The following WFDC10B variants were observed in gnomAD, a reference collection of about 807,000 sequenced individuals.
WFDC10B encodes the protein protein WFDC10B.
In WFDC10B, 1 loss-of-function variant was observed where a neutral mutation model predicts 2.7. The ratio of observed to expected loss-of-function variants is 0.38; its 90% CI spans 0.13 to 1.79. The LOEUF (loss-of-function observed/expected upper bound fraction) is 1.79. Among genes scored for constraint, WFDC10B ranks in the 40% most tolerant of loss-of-function variants. The pLI is 0.33. For synonymous variants in WFDC10B, 26 were observed against 32.2 expected, an observed-to-expected ratio of 0.81 and a Z score of 0.65; for missense variants, 71 against 87.8, an observed-to-expected ratio of 0.81 and a Z score of 0.76.
chr20:45,704,687 CTT>C (rs11361717), intron 1 of WFDC10B, 126 bp from the exon 2 acceptor site: 31,256 of 1,293,352 alleles, frequency 0.024, 1 homozygote, highest in East Asian at 0.078. Flanking sequence ...TGGATCTCTC[CTT>C]TTTTTTTTTT....
Position 45,684,659 on chromosome 20 carries a change from C to T in WFDC10B, c.*171G>A. ...CAGCAAAAGAGGCAGGATCCATGGG[C>T]ATTTGTTCTGGTTTATTTGACAGGG... On this transcript the variant is annotated 3_prime_UTR_variant, in exon 4 of 4. Transcript: ENST00000330523. The T allele has an allele frequency of 1.2e-6, 1 of 819,630 alleles. No homozygotes were observed. The highest frequency in any genetic ancestry group is 1.8e-6 in the Non-Finnish European group (1 of 541,182). The allele number at this position is 819,630 out of a possible 1,614,324, so 50.8% of individuals were successfully genotyped here.
intron 1 of WFDC10B, 98 bp from the exon 2 acceptor site, chr20:45,704,659 C>A: frequency 6.3e-7 from 1 of 1,577,322 alleles, no homozygotes; most frequent in Non-Finnish European, 8.6e-7. Flanking sequence ...CAGAAGAGTC[C>A]CTTACCAGCA....
chr20:45,687,209 T>C (rs1302079183), intron 2 of WFDC10B, among the ~76,000 whole-genome samples: 1 of 152,188 alleles, frequency 6.6e-6, no homozygotes, highest in Admixed American at 6.5e-5. Context: ...CCATGTATTC[T>C]CATTGTTCAG....
Position 45,704,992 on chromosome 20 carries a change from C to T in WFDC10B, c.-204G>A. The T allele has an allele frequency of 6.2e-7, 1 of 1,614,140 alleles. No individual in the cohort carries two copies. The highest frequency in any genetic ancestry group is 8.5e-7 in the Non-Finnish European group (1 of 1,180,012). ...TTGCCCTCCTTTCACAAGACACCAT[C>T]CTTTGGCCACCAGTGTTCTTGGGCT... On this transcript the variant is annotated 5_prime_UTR_variant, in exon 1 of 4. Transcript: ENST00000330523.
At chr20:45,698,961 C>A (rs1984060386) in intron 2 of WFDC10B, among the ~76,000 whole-genome samples, 1 of 56,608 alleles carries the variant, frequency 1.8e-5, no homozygotes, top group African/African-American at 9.1e-5. Context: ...GAGTGAGAAT[C>A]CATCTAAAAA....
At position 45,684,739 on chromosome 20, in the gene WFDC10B, A is replaced by G. The variant is rs563513840; in HGVS notation, c.*91T>C. On this transcript the variant is annotated 3_prime_UTR_variant, in exon 4 of 4. Transcript: ENST00000330523. ...CATTCCTGTTGATGTTCTTGTGCTG[A>G]TGATTTGATGTCCTTGTGCTTCGGA... 53 of 1,535,168 alleles carry G rather than the reference A, an allele frequency of 3.5e-5. No homozygotes were observed. The East Asian group carries it at 9.8e-4, about 29-fold the overall frequency.
intron 2 of WFDC10B, among the ~76,000 whole-genome samples, chr20:45,696,893 A>G (rs1263314341): frequency 2.0e-5 from 3 of 152,184 alleles, no homozygotes; most frequent in Non-Finnish European, 4.4e-5. Context: ...ACTGATACAG[A>G]AAAAGCATTT....
At chr20:45,698,332 T>C (rs992615019) in intron 2 of WFDC10B, among the ~76,000 whole-genome samples, 5 of 152,270 alleles carry the variant, frequency 3.3e-5, no homozygotes, top group Admixed American at 2.6e-4. Flanking sequence ...TACAGAATTC[T>C]TAGAAGAAAT....
intron 2 of WFDC10B, among the ~76,000 whole-genome samples, chr20:45,693,376 T>C (rs1983877981): frequency 6.6e-6 from 1 of 152,202 alleles, no homozygotes; most frequent in South Asian, 2.1e-4. Context: ...GACAGGGACA[T>C]GTAAGTCTGC....
chr20:45,700,221 T>G (rs1344509528), intron 2 of WFDC10B, among the ~76,000 whole-genome samples: 1 of 152,150 alleles, frequency 6.6e-6, no homozygotes, highest in Non-Finnish European at 1.5e-5. Context: ...GATATATTGT[T>G]AAATGAAAAC....
chr20:45,698,956 A>G (rs146849744), intron 2 of WFDC10B, among the ~76,000 whole-genome samples: 7,335 of 114,276 alleles, frequency 0.064, 270 homozygotes, highest in African/African-American at 0.12. Flanking sequence ...CGACAGAGTG[A>G]GAATCCATCT....
At position 45,685,924 on chromosome 20, in the gene WFDC10B, G is replaced by T. The variant is rs755317932; in HGVS notation, c.69C>A (p.Tyr23Ter). 8 of 1,613,952 alleles carry T rather than the reference G, an allele frequency of 5.0e-6. No homozygotes were observed. The highest frequency in any genetic ancestry group is 1.3e-5 in the African/African-American group (1 of 74,920). ...TACTCTGCATCCTCATCTTGTCACG[G>T]TATCCTCCCTGGGCCTGCAGCAGCA... is the stretch of plus-strand genomic sequence containing the variant. ...CVLLLQAQGG[Y>*]RDKMRMQRIK... Residue 23 changes from tyrosine to a stop codon, truncating the protein, a stop_gained, in exon 3 of 4, where the codon TAC (tyrosine) becomes TAA (stop). Coordinates refer to ENST00000330523, the MANE Select transcript of WFDC10B (RefSeq NM_172006.2). LOFTEE classifies it low-confidence loss of function (END_TRUNC).
intron 2 of WFDC10B, among the ~76,000 whole-genome samples, chr20:45,688,470 T>C (rs551896328): frequency 2.0e-5 from 3 of 152,256 alleles, no homozygotes; most frequent in Admixed American, 2.0e-4. Context: ...AGTGTAAAAG[T>C]GTTCCTATTT....
At chr20:45,699,932 C>T (rs1984098582) in intron 2 of WFDC10B, among the ~76,000 whole-genome samples, 1 of 152,232 alleles carries the variant, frequency 6.6e-6, no homozygotes, top group Non-Finnish European at 1.5e-5. Flanking sequence ...CCTCCTCAGC[C>T]TCCCAAAGTG....
intron 2 of WFDC10B, among the ~76,000 whole-genome samples, chr20:45,696,306 AG>A (rs1185804290): frequency 4.4e-4 from 66 of 150,992 alleles, no homozygotes; most frequent in Non-Finnish European, 6.1e-4. Context: ...AAAAAAAAAA[AG>A]ATCTCAAATC....
At chr20:45,701,687 G>A (rs1441256380) in intron 2 of WFDC10B, among the ~76,000 whole-genome samples, 21 of 151,502 alleles carry the variant, frequency 1.4e-4, no homozygotes, top group Admixed American at 1.2e-3. Flanking sequence ...GCTTGAACCT[G>A]GGAGGAAGAG....
At chr20:45,698,725 G>A (rs1984051497) in intron 2 of WFDC10B, among the ~76,000 whole-genome samples, 1 of 151,966 alleles carries the variant, frequency 6.6e-6, no homozygotes, top group Non-Finnish European at 1.5e-5. Flanking sequence ...CCAGCACTTC[G>A]GGAGGCCAAA....
chr20:45,701,776 A>G (rs559823166), intron 2 of WFDC10B, among the ~76,000 whole-genome samples: 1 of 152,194 alleles, frequency 6.6e-6, no homozygotes, highest in South Asian at 2.1e-4. Flanking sequence ...AAAAAAAAAA[A>G]AAAAAATTCA....
At chr20:45,690,280 A>C (rs1180544188) in intron 2 of WFDC10B, among the ~76,000 whole-genome samples, 2 of 150,970 alleles carry the variant, frequency 1.3e-5, no homozygotes, top group Admixed American at 1.3e-4. Context: ...ATGTTCATCA[A>C]GGATATTGGT....
Sources: allele counts gnomAD v4.1 joint callset (sites outside exome capture counted in the v4.1 genomes callset), GRCh38; gene constraint gnomAD v4.1.1; transcripts MANE v1.5; gene names NCBI Gene and HGNC (gene_info 2026-07-23, HGNC 2026-07-21).